A2M: variants seen among roughly 807,000 people sequenced by gnomAD.
A2M encodes the protein C3 and PZP-like alpha-2-macroglobulin domain-containing protein 5.
A2M carries 128 observed loss-of-function variants against 183.9 expected under a neutral mutation model. That is an observed-to-expected ratio of 0.70 (90% CI 0.60 to 0.81). A2M has a LOEUF of 0.81. Among genes scored for constraint, A2M ranks in the 30% least tolerant of loss-of-function variants. A2M has a pLI of 0.00. For synonymous variants in A2M, 592 were observed against 670.8 expected, an observed-to-expected ratio of 0.88 and a Z score of 1.81; for missense variants, 1,495 against 1,787.6, an observed-to-expected ratio of 0.84 and a Z score of 2.95.
chr12:9,094,943 G>T (rs1354112210), intron 17 of A2M, 30 bp downstream of exon 17: 3 of 1,211,482 alleles, frequency 2.5e-6, no homozygotes, highest in South Asian at 1.7e-5. Flanking sequence ...AATATATTAG[G>T]CAATATATAT....
chr12:9,094,732 T>C (rs1190535300), intron 17 of A2M, among the ~76,000 whole-genome samples: 1 of 152,144 alleles, frequency 6.6e-6, no homozygotes, highest in African/African-American at 2.4e-5. Flanking sequence ...GTGTGAACAT[T>C]TCTATTTCTG....
At chr12:9,090,139 G>A in intron 20 of A2M, 116 bp from the exon 21 acceptor site, 9 of 1,457,210 alleles carry the variant, frequency 6.2e-6, no homozygotes, top group Non-Finnish European at 8.4e-6. Context: ...AAACACAGAA[G>A]CAGGAACGGA....
At chr12:9,069,009 C>T (rs1273804658) in intron 33 of A2M, 167 bp from the exon 34 acceptor site, 7 of 517,058 alleles carry the variant, frequency 1.4e-5, no homozygotes, top group Non-Finnish European at 2.4e-5. Context: ...ATGATAAATT[C>T]TCCAGATTAT....
At position 9,104,286 on chromosome 12, in the gene A2M, A is replaced by G. The variant is rs1437741147; in HGVS notation, c.1219T>C (p.Phe407Leu). The change falls in exon 11 of 36, where the codon TTC becomes CTC. Residue 407 changes from phenylalanine to leucine, a missense_variant. Coordinates refer to ENST00000318602, the MANE Select transcript of A2M (RefSeq NM_000014.6). The part of the protein sequence containing the change: ...ATTDEHGLVQ[F>L]SINTTNVMGT... Reference sequence around the variant, plus strand: ...ATAACATTGGTGGTGTTGATAGAGAACTGTACAAGGCCATGCTCATCCGTG... The same window carrying G: ...ATAACATTGGTGGTGTTGATAGAGAGCTGTACAAGGCCATGCTCATCCGTG... The G allele has an allele frequency of 6.2e-7, 1 of 1,613,100 alleles. No homozygotes were observed. Among genetic ancestry groups the G allele is most frequent in the Middle Eastern group, 1.7e-4 (1 of 6,060 alleles).
chr12:9,098,794 C>G, intron 14 of A2M, 38 bp from the exon 15 acceptor site: 1 of 1,601,926 alleles, frequency 6.2e-7, no homozygotes, highest in Non-Finnish European at 8.5e-7. Flanking sequence ...AAGCAAATTT[C>G]CAGGTTTACC....
chr12:9,074,886 A>T, intron 28 of A2M, 103 bp from the exon 29 acceptor site: 1 of 1,196,960 alleles, frequency 8.4e-7, no homozygotes, highest in Admixed American at 2.2e-5. Context: ...CATGCCCATT[A>T]TAATCCCCTG....
At chr12:9,076,267 A>G (rs1948745580) in intron 28 of A2M, among the ~76,000 whole-genome samples, 1 of 152,256 alleles carries the variant, frequency 6.6e-6, no homozygotes, top group Admixed American at 6.5e-5. Flanking sequence ...GCTATGTGAC[A>G]TGTACTCTAC....
At chr12:9,110,167 T>G in intron 5 of A2M, 132 bp from the exon 6 acceptor site, 1 of 1,143,234 alleles carries the variant, frequency 8.7e-7, no homozygotes. Flanking sequence ...GTAGAGGAGA[T>G]GAGTTATAGC....
chr12:9,081,531 T>C (rs1948906320), intron 22 of A2M, among the ~76,000 whole-genome samples: 1 of 152,192 alleles, frequency 6.6e-6, no homozygotes, highest in Admixed American at 6.5e-5. Flanking sequence ...AAAATCTATT[T>C]TGAAAACCCC....
At chr12:9,111,279 G>T (rs539366200) in intron 4 of A2M, among the ~76,000 whole-genome samples, 5 of 152,142 alleles carry the variant, frequency 3.3e-5, no homozygotes, top group Non-Finnish European at 7.4e-5. Flanking sequence ...TGGAGCTTAT[G>T]TTATAATAGA....
chr12:9,072,411 T>G lies in A2M; in HGVS notation c.4051A>C (p.Thr1351Pro), dbSNP rs1328335288. ...FALGVQTLPQTCDEPKAHTSF... is the reference protein window; with the variant it reads ...FALGVQTLPQPCDEPKAHTSF... ...GTGTGGGCTTTGGGTTCATCACAAG[T>G]TTGAGGCAGAGTCTGCACTCCTAAA... The change falls in exon 31 of 36, where the codon ACT becomes CCT. Residue 1351 changes from threonine to proline, a missense_variant. Physicochemically the swap from Thr to Pro is conservative, Grantham distance 38. Coordinates refer to ENST00000318602, the MANE Select transcript of A2M (RefSeq NM_000014.6). The G allele has an allele frequency of 6.2e-7, 1 of 1,613,806 alleles. No individual in the cohort carries two copies. Among genetic ancestry groups the G allele is most frequent in the Admixed American group, 1.7e-5 (1 of 59,970 alleles).
rs775056385 is a variant in A2M at position 9,079,201 on chromosome 12, G to T, written c.3119+43C>A. 7.1e-5 allele frequency: 105 copies of T among 1,477,792 alleles called. 1 individual carries two copies. In the East Asian group the frequency reaches 2.4e-3, roughly 33 times the overall value. 91.5% of individuals were successfully genotyped at this position (1,477,792 alleles called of 1,614,324 possible). ...TAATTGAGGTAATACATGTAAAAGA[G>T]CTGGCACACAAAAAGAAGCTCAAAA... On this transcript the variant is annotated intron_variant, in intron 25 of 35. Transcript: ENST00000318602.
chr12:9,095,919 C>T (rs939551449), intron 15 of A2M, among the ~76,000 whole-genome samples: 6 of 151,012 alleles, frequency 4.0e-5, no homozygotes, highest in Admixed American at 2.6e-4. Context: ...GCCACCGCGC[C>T]CGGCTAATTT....
intron 11 of A2M, among the ~76,000 whole-genome samples, chr12:9,103,083 G>A (rs902882052): frequency 6.6e-6 from 1 of 152,080 alleles, no homozygotes; most frequent in Non-Finnish European, 1.5e-5. Flanking sequence ...CAGGTCATCT[G>A]GAGAAAATTA....
At position 9,072,712 on chromosome 12, in the gene A2M, G is replaced by A. The variant is rs753964307; in HGVS notation, c.3916C>T (p.Pro1306Ser). Residue 1306 changes from proline to serine, a missense_variant, in exon 30 of 36, where the codon CCA (proline) becomes TCA (serine). Transcript: ENST00000318602. ...ATGCTGTATTCCCCAGGCAGCTCTG[G>A]CAATGAGACCTGCTGCAGTAACAGG... is the stretch of plus-strand genomic sequence containing the variant. ...NRLLLQQVSL[P>S]ELPGEYSMKV... is the part of the protein sequence containing the mutation. The A allele has an allele frequency of 1.9e-6, 3 of 1,614,162 alleles. No individual in the cohort carries two copies. The Admixed American group carries it at 5.0e-5, about 27-fold the overall frequency.
rs1948762224 is a variant in A2M at position 9,076,850 on chromosome 12, G to A, written c.3438C>T (p.Thr1146=). Reference sequence around the variant, plus strand: ...CAAAAGCATAGGCCAGCAGTGCTTTGGTATATACATGGCTGCCATGGTCCC... The same window carrying A: ...CAAAAGCATAGGCCAGCAGTGCTTTAGTATATACATGGCTGCCATGGTCCC... ...QEGDHGSHVY[T]KALLAYAFAL... The change falls in exon 28 of 36, where the codon ACC becomes ACT. Residue 1146 remains threonine, a synonymous_variant. Transcript: ENST00000318602. 9.3e-6 allele frequency: 15 copies of A among 1,613,876 alleles called. No individual in the cohort carries two copies. Among genetic ancestry groups the A allele is most frequent in the Non-Finnish European group, 1.3e-5 (15 of 1,179,930 alleles).
chr12:9,102,476 A>G (rs959481929), intron 11 of A2M, among the ~76,000 whole-genome samples: 7 of 152,138 alleles, frequency 4.6e-5, no homozygotes, highest in Admixed American at 4.6e-4. Context: ...TCAGCCTCCC[A>G]AAGTGCTGGG....
At chr12:9,115,954 T>A (rs1939090656), upstream of A2M, 1 of 904,452 alleles carries the variant, frequency 1.1e-6, no homozygotes, top group African/African-American at 1.6e-5. Flanking sequence ...TTTATGCTGC[T>A]CTGTGTGCAA....
Position 9,109,875 on chromosome 12 carries a change from T to G in A2M, c.665A>C (p.Glu222Ala). ...GGRTEHPFTV[E>A]EFVLPKFEVQ... ...CTTTTCATGATCCATACCAAATTCCTCCACGGTGAAAGGGTGCTCTGTCCT... is the reference window on the plus strand; with the variant it reads ...CTTTTCATGATCCATACCAAATTCCGCCACGGTGAAAGGGTGCTCTGTCCT... Residue 222 changes from glutamate (E) to alanine (A), a missense_variant, in exon 6 of 36, where the codon GAG (glutamate) becomes GCG (alanine). Physicochemically the swap from Glu to Ala is moderately radical, Grantham distance 107 (BLOSUM62 -1). Transcript: ENST00000318602. 2 of 1,600,010 alleles carry G rather than the reference T, an allele frequency of 1.2e-6. No homozygotes were observed. Among genetic ancestry groups the G allele is most frequent in the Non-Finnish European group, 1.7e-6 (2 of 1,175,174 alleles).
Sources: gnomAD v4.1 joint callset for allele counts (sites outside exome capture counted in the v4.1 genomes callset) on GRCh38, gnomAD v4.1.1 for gene constraint, MANE v1.5 for transcripts, NCBI Gene and HGNC (gene_info 2026-07-23, HGNC 2026-07-21) for gene names.